Variants in ZSWIM6 observed in about 807,000 individuals in gnomAD.
ZSWIM6 encodes the protein zinc finger SWIM domain-containing protein 6.
In ZSWIM6, 9 loss-of-function variants were observed where a neutral mutation model predicts 113.2. That is an observed-to-expected ratio of 0.08 (90% CI 0.05 to 0.14). ZSWIM6 has a LOEUF of 0.14. ZSWIM6 is among the 10% of genes least tolerant of loss of function. The probability of loss-of-function intolerance (pLI) is 1.00; values close to 1 mark genes in which losing one functional copy is unlikely to be tolerated. For synonymous variants in ZSWIM6, 611 were observed against 606.5 expected, an observed-to-expected ratio of 1.01 and a Z score of -0.11; for missense variants, 1,162 against 1,552.2, an observed-to-expected ratio of 0.75 and a Z score of 4.22.
intron 1 of ZSWIM6, among the ~76,000 whole-genome samples, chr5:61,387,372 T>G (rs1745611949): frequency 6.6e-6 from 1 of 152,180 alleles, no homozygotes; most frequent in Admixed American, 6.5e-5. Flanking sequence ...TGTAAGAAAT[T>G]GAGAAAAAGG....
intron 1 of ZSWIM6, among the ~76,000 whole-genome samples, chr5:61,454,354 C>G (rs1254329413): frequency 6.6e-6 from 1 of 151,910 alleles, no homozygotes; most frequent in South Asian, 2.1e-4. Flanking sequence ...CTCCTAGGCT[C>G]AAGCTATCCT....
Position 61,543,045 on chromosome 5 carries a change from G to A in ZSWIM6, c.2786-410G>A, listed in dbSNP as rs569140051. On this transcript the variant is annotated intron_variant, in intron 13 of 13. Transcript: ENST00000252744. The surrounding 1 kb of genome is among the most constrained non-coding windows in gnomAD (Gnocchi z 4.3). ...TGTGTGTTTTAAACTTTTGTATTAT[G>A]TGTACTTTTACCTTACACACAAGCA... 6.6e-6 allele frequency among the ~76,000 whole-genome samples: 1 copy of A among 152,142 alleles called. No individual in the cohort carries two copies. Among genetic ancestry groups the A allele is most frequent in the Non-Finnish European group, 1.5e-5 (1 of 68,024 alleles).
intron 1 of ZSWIM6, among the ~76,000 whole-genome samples, chr5:61,361,767 T>C (rs1296442668): frequency 6.6e-6 from 1 of 152,226 alleles, no homozygotes; most frequent in Non-Finnish European, 1.5e-5. Context: ...AACCCTGTTA[T>C]TCTATTATAC....
chr5:61,538,890 C>T lies in ZSWIM6; in HGVS notation c.2458C>T (p.Arg820Cys), dbSNP rs1469059801. The change falls in exon 11 of 14, where the codon CGC becomes TGC. Residue 820 changes from arginine (R) to cysteine (C), a missense_variant. Physicochemically the swap from Arg to Cys is radical, Grantham distance 180. Around this residue, in one of 4 missense-constraint regions of ZSWIM6, gnomAD observed 620 missense variants for 804.6 expected, o/e 0.77. Coordinates refer to ENST00000252744, the MANE Select transcript of ZSWIM6 (RefSeq NM_020928.2). The stretch of plus-strand genomic sequence containing the variant: ...CCACATTGCATCAGTTGTTCCCAAC[C>T]GCTACCCTCGCTGGTTCACTCTAAG... ...PHHIASVVPN[R>C]YPRWFTLSHI... 1.3e-6 allele frequency: 2 copies of T among 1,552,268 alleles called. No individual in the cohort carries two copies. Among genetic ancestry groups the T allele is most frequent in the Non-Finnish European group, 1.7e-6 (2 of 1,147,100 alleles).
At chr5:61,434,166 A>G (rs555295737) in intron 1 of ZSWIM6, among the ~76,000 whole-genome samples, 1 of 147,564 alleles carries the variant, frequency 6.8e-6, no homozygotes, top group East Asian at 1.9e-4. Flanking sequence ...AAATATATGT[A>G]TTATATATAC....
chr5:61,429,223 C>T (rs911066786), intron 1 of ZSWIM6, among the ~76,000 whole-genome samples: 1 of 152,284 alleles, frequency 6.6e-6, no homozygotes, highest in South Asian at 2.1e-4. Flanking sequence ...GGGTTTGTTA[C>T]AGAGAGAATG....
intron 5 of ZSWIM6, among the ~76,000 whole-genome samples, chr5:61,521,828 TTCTTGATCAATCCATGTTTGATC>T (rs1205305247): frequency 2.0e-5 from 3 of 152,240 alleles, no homozygotes; most frequent in Non-Finnish European, 4.4e-5. Flanking sequence ...GTTTTTATTT[TTCTTGATCAATCCATGTTTGATC>T]TATTGCATAA....
intron 8 of ZSWIM6, among the ~76,000 whole-genome samples, chr5:61,530,423 A>G (rs1231753612): frequency 1.3e-5 from 2 of 152,180 alleles, no homozygotes; most frequent in African/African-American, 4.8e-5. Flanking sequence ...GAGAATCTTA[A>G]AAATATTTAT....
chr5:61,486,576 C>G (rs1421184921), intron 2 of ZSWIM6, among the ~76,000 whole-genome samples: 1 of 152,092 alleles, frequency 6.6e-6, no homozygotes, highest in African/African-American at 2.4e-5. Context: ...TATAAGAGCT[C>G]TATTTTCTCT....
Position 61,332,326 on chromosome 5 carries a change from GGGC to G in ZSWIM6, c.72_74del (p.Gly26del), listed in dbSNP as rs565100893. 1,067 of 1,103,948 alleles carry G rather than the reference GGGC, an allele frequency of 9.7e-4. 1 individual carries two copies. Among genetic ancestry groups the G allele is most frequent in the East Asian group, 4.7e-3 (114 of 24,302 alleles). The allele number at this position is 1,103,948 out of a possible 1,614,324, so 68.4% of individuals were successfully genotyped here. On this transcript the variant is annotated inframe_deletion, in exon 1 of 14. Coordinates refer to ENST00000252744, the MANE Select transcript of ZSWIM6 (RefSeq NM_020928.2). The stretch of plus-strand genomic sequence containing the variant: ...CCGCGAAACGGCTTTGCTGCCGGCC[GGGC>G]GGCGGCGGCGGCGGCGGGGGCAGCA...
chr5:61,388,217 A>G (rs1745629263), intron 1 of ZSWIM6, among the ~76,000 whole-genome samples: 1 of 151,956 alleles, frequency 6.6e-6, no homozygotes, highest in African/African-American at 2.4e-5. Flanking sequence ...TCCTGGCCTC[A>G]TGTGATCCAC....
Position 61,526,295 on chromosome 5 carries a change from A to T in ZSWIM6, c.1736A>T (p.His579Leu). 6.4e-7 allele frequency: 1 copy of T among 1,551,978 alleles called. No homozygotes were observed. Among genetic ancestry groups the T allele is most frequent in the Non-Finnish European group, 8.7e-7 (1 of 1,147,032 alleles). The stretch of plus-strand genomic sequence containing the variant: ...GCAAGAGTGGACGCATTACGTTCTC[A>T]TGGGTACCCCAGAGAAGCACTGAGA... ...ACARVDALRS[H>L]GYPREALRLA... Residue 579 changes from histidine (H) to leucine (L), a missense_variant, in exon 7 of 14, where the codon CAT becomes CTT. Coordinates refer to ENST00000252744, the MANE Select transcript of ZSWIM6 (RefSeq NM_020928.2).
intron 1 of ZSWIM6, among the ~76,000 whole-genome samples, chr5:61,430,678 G>C (rs1746560886): frequency 6.6e-6 from 1 of 152,140 alleles, no homozygotes; most frequent in Non-Finnish European, 1.5e-5. Context: ...GGAGGTCCTA[G>C]AACTAATCCC....
intron 1 of ZSWIM6, among the ~76,000 whole-genome samples, chr5:61,419,402 C>G (rs1249460219): frequency 6.6e-6 from 1 of 152,176 alleles, no homozygotes; most frequent in Non-Finnish European, 1.5e-5. Context: ...GTGCTCTGGG[C>G]TCACTATTAA....
In ZSWIM6 at chr5:61,544,108, G is replaced by A. The variant is rs371998823; in HGVS notation, c.3439G>A (p.Gly1147Arg). ...PLRQLLDATIGAYINTTHSRL... is the reference protein window; with the variant it reads ...PLRQLLDATIRAYINTTHSRL... ...GAGGCAACTCTTGGATGCCACGATC[G>A]GGGCCTACATCAACACAACGCACTC... The change falls in exon 14 of 14, where the codon GGG becomes AGG. Residue 1147 changes from glycine to arginine, a missense_variant. Physicochemically the swap from Gly to Arg is moderately radical, Grantham distance 125 (BLOSUM62 -2). Around this residue, in one of 4 missense-constraint regions of ZSWIM6, gnomAD observed 113 missense variants for 213.8 expected, o/e 0.53. Transcript: ENST00000252744. 8.4e-6 allele frequency: 13 copies of A among 1,551,652 alleles called. No homozygotes were observed. The highest frequency in any genetic ancestry group is 2.4e-5 in the East Asian group (1 of 40,912).
intron 8 of ZSWIM6, 118 bp from the exon 9 acceptor site, chr5:61,531,346 CT>C: frequency 8.2e-7 from 1 of 1,223,676 alleles, no homozygotes; most frequent in Non-Finnish European, 1.1e-6. Flanking sequence ...TGTTTTCTGG[CT>C]TTCTCAGCAT....
chr5:61,535,415 C>T (rs1749548017), intron 9 of ZSWIM6, 69 bp from the exon 10 acceptor site: 1 of 1,507,912 alleles, frequency 6.6e-7, no homozygotes, highest in Non-Finnish European at 9.0e-7. Flanking sequence ...GACATTTTAA[C>T]AATATGCTTT....
At chr5:61,413,771 CA>C (rs1208664094) in intron 1 of ZSWIM6, among the ~76,000 whole-genome samples, 7 of 152,058 alleles carry the variant, frequency 4.6e-5, no homozygotes, top group African/African-American at 1.7e-4. Flanking sequence ...CTCTGATGGC[CA>C]GTGATGATGA....
chr5:61,498,231 A>G (rs1748372825), intron 4 of ZSWIM6, among the ~76,000 whole-genome samples: 2 of 152,208 alleles, frequency 1.3e-5, no homozygotes, highest in African/African-American at 2.4e-5. Flanking sequence ...CAACTGTTAC[A>G]TAATATGTTT....
Sources: allele counts gnomAD v4.1 joint callset (sites outside exome capture counted in the v4.1 genomes callset), GRCh38; gene constraint gnomAD v4.1.1; regional missense constraint gnomAD v4.1.1; non-coding constraint Gnocchi (gnomAD v3.1); transcripts MANE v1.5; gene names NCBI Gene and HGNC (gene_info 2026-07-23, HGNC 2026-07-21).